PLB1: variants seen among roughly 807,000 people sequenced by gnomAD.
The protein encoded by PLB1 is phospholipase B1, membrane-associated.
A neutral mutation model predicts 227.4 loss-of-function variants in PLB1; 242 were observed. That is an observed-to-expected ratio of 1.06 (90% CI 0.96 to 1.18). The LOEUF (loss-of-function observed/expected upper bound fraction) is 1.18, where lower values mean the gene tolerates loss of function less well. Among genes scored for constraint, PLB1 ranks in the 50% most tolerant of loss-of-function variants. The pLI, the probability that PLB1 is intolerant of heterozygous loss-of-function variation, is 0.00. For synonymous variants in PLB1, 757 were observed against 682.2 expected (o/e 1.11, Z -1.71); for missense variants, 1,858 against 1,816.3 (o/e 1.02, Z -0.42).
intron 49 of PLB1, among the ~76,000 whole-genome samples, chr2:28,622,813 G>A (rs1687217561): frequency 6.6e-6 from 1 of 152,200 alleles, no homozygotes; most frequent in African/African-American, 2.4e-5. Flanking sequence ...TTGAACCCAG[G>A]AAGTGGAGGC....
At chr2:28,534,141 A>G (rs530278924) in intron 9 of PLB1, among the ~76,000 whole-genome samples, 2 of 152,336 alleles carry the variant, frequency 1.3e-5, no homozygotes, top group African/African-American at 4.8e-5. Context: ...AGATCTAGTC[A>G]TGTTGACATA....
chr2:28,516,371 C>T (rs976312004), intron 1 of PLB1, among the ~76,000 whole-genome samples: 1 of 152,162 alleles, frequency 6.6e-6, no homozygotes, highest in African/African-American at 2.4e-5. Flanking sequence ...GTGATTAGCT[C>T]TTCTCCTAAG....
At chr2:28,586,699 G>T (rs1306705766) in intron 26 of PLB1, among the ~76,000 whole-genome samples, 1 of 152,072 alleles carries the variant, frequency 6.6e-6, no homozygotes, top group Non-Finnish European at 1.5e-5. Context: ...CCTAGCACTC[G>T]GGATGACTCC....
At chr2:28,532,291 T>TG in intron 9 of PLB1, 97 bp downstream of exon 9, 3 of 908,984 alleles carry the variant, frequency 3.3e-6, no homozygotes, top group Admixed American at 2.4e-5. Flanking sequence ...GCTGTCAGGA[T>TG]GGGGCTAATG....
chr2:28,595,264 A>G (rs1172746458), intron 33 of PLB1: 2 of 152,214 alleles, frequency 1.3e-5, no homozygotes, highest in Non-Finnish European at 2.9e-5. Flanking sequence ...CCTCAGGTTC[A>G]ATGGCTGCTG....
chr2:28,625,195 C>A, intron 50 of PLB1, 87 bp downstream of exon 50: 1 of 1,252,702 alleles, frequency 8.0e-7, no homozygotes, highest in Non-Finnish European at 1.1e-6. Flanking sequence ...TCCCTCTCAC[C>A]ACAGCACTTC....
intron 11 of PLB1, among the ~76,000 whole-genome samples, chr2:28,539,439 G>A (rs898103181): frequency 2.6e-5 from 4 of 152,288 alleles, no homozygotes; most frequent in Admixed American, 6.5e-5. Flanking sequence ...TGTGCCAGAG[G>A]CTCTCCTCAG....
intron 23 of PLB1, among the ~76,000 whole-genome samples, chr2:28,580,776 G>C (rs775092868): frequency 1.3e-5 from 2 of 151,918 alleles, no homozygotes; most frequent in Non-Finnish European, 2.9e-5. Flanking sequence ...TTGTTGGAGA[G>C]ATTTACACAG....
intron 25 of PLB1, among the ~76,000 whole-genome samples, chr2:28,585,101 C>T (rs1680686370): frequency 2.6e-5 from 4 of 152,098 alleles, no homozygotes; most frequent in Admixed American, 2.6e-4. Context: ...TGCTAAGATA[C>T]ACTCAAATCA....
chr2:28,524,105 G>C (rs539900028), intron 4 of PLB1, among the ~76,000 whole-genome samples: 1 of 152,330 alleles, frequency 6.6e-6, no homozygotes, highest in East Asian at 1.9e-4. Context: ...TAGGTCTATA[G>C]GCAGGTGCTC....
rs1420810867 is a variant in PLB1 at position 28,529,380 on chromosome 2, A to C, written c.389A>C (p.Lys130Thr). The C allele has an allele frequency of 6.2e-7, 1 of 1,608,910 alleles. No individual in the cohort carries two copies. The highest frequency in any genetic ancestry group is 1.3e-5 in the African/African-American group (1 of 74,890). Residue 130 changes from lysine to threonine, a missense_variant, in exon 7 of 58, where the codon AAG (lysine) becomes ACG (threonine). Transcript: ENST00000327757. ...CCAATGCCTGTGTGCCACACTGGAA[A>C]GAGAGTCATACCCCACGATGGTGCT... ...SVPMPVCHTG[K>T]RVIPHDGAED...
At chr2:28,544,451 C>T (rs1319647152) in intron 14 of PLB1, among the ~76,000 whole-genome samples, 1 of 152,208 alleles carries the variant, frequency 6.6e-6, no homozygotes, top group African/African-American at 2.4e-5. Flanking sequence ...CAAAAGGACA[C>T]CTGTGACATG....
chr2:28,603,950 C>T lies in PLB1; in HGVS notation c.2775-16C>T, dbSNP rs765212972. ...GCCTGAGCTCTGGGGCCTCCTGCCT[C>T]CCCCTCTTTGTGCAGCGTTTTGTGT... is the stretch of plus-strand genomic sequence containing the variant. On this transcript the variant is annotated splice_polypyrimidine_tract_variant and intron_variant, in intron 39 of 57. Coordinates refer to ENST00000327757, the MANE Select transcript of PLB1 (RefSeq NM_153021.5). 28 of 1,612,754 alleles carry T rather than the reference C, an allele frequency of 1.7e-5. No individual in the cohort carries two copies. The highest frequency in any genetic ancestry group is 2.4e-5 in the Non-Finnish European group (28 of 1,178,746).
At chr2:28,512,628 GTCTC>G (rs1278151157) in intron 1 of PLB1, among the ~76,000 whole-genome samples, 1 of 150,888 alleles carries the variant, frequency 6.6e-6, no homozygotes, top group South Asian at 2.1e-4. Context: ...TGTGAAATCT[GTCTC>G]TCTAATTGTG....
At chr2:28,555,825 C>G (rs1419549385) in intron 17 of PLB1, among the ~76,000 whole-genome samples, 1 of 149,106 alleles carries the variant, frequency 6.7e-6, no homozygotes, top group Admixed American at 6.7e-5. Context: ...ATATCTTTTA[C>G]AATAACTGTT....
At chr2:28,542,169 G>T (rs1672598999) in intron 13 of PLB1, among the ~76,000 whole-genome samples, 1 of 151,284 alleles carries the variant, frequency 6.6e-6, no homozygotes, top group Non-Finnish European at 1.5e-5. Flanking sequence ...GTGTGGTGGG[G>T]AGGAGGCCTG....
rs747494824 is a variant in PLB1 at position 28,565,369 on chromosome 2, G to T, written c.1280+16G>T. The T allele has an allele frequency of 1.9e-6, 3 of 1,597,158 alleles. No homozygotes were observed. The highest frequency in any genetic ancestry group is 2.6e-6 in the Non-Finnish European group (3 of 1,171,352). ...TGTCCTGGAGGTGAGTGAGGGTGTG[G>T]CAAGGCCCCAAAGGCCCCTTCATTG... On this transcript the variant is annotated intron_variant, in intron 19 of 57. Coordinates refer to ENST00000327757, the MANE Select transcript of PLB1 (RefSeq NM_153021.5).
At chr2:28,582,028 G>C in intron 23 of PLB1, 40 bp from the exon 24 acceptor site, 1 of 1,566,520 alleles carries the variant, frequency 6.4e-7, no homozygotes, top group South Asian at 1.1e-5. Flanking sequence ...GAGAGATTAG[G>C]TGACAAATGG....
rs376820495 is a variant in PLB1 at position 28,539,056 on chromosome 2, C to T, written c.619-43C>T. ...GTTCCAGAAAGCCCGGCAGCCATGG[C>T]GACTTGGCAAATACTCACCTCCCTC... On this transcript the variant is annotated intron_variant, in intron 10 of 57. Coordinates refer to ENST00000327757, the MANE Select transcript of PLB1 (RefSeq NM_153021.5). 5.9e-6 allele frequency: 9 copies of T among 1,533,774 alleles called. No individual in the cohort carries two copies. The Admixed American group carries it at 6.7e-5, about 11-fold the overall frequency.
Sources: gnomAD v4.1 joint callset for allele counts (sites outside exome capture counted in the v4.1 genomes callset) on GRCh38, gnomAD v4.1.1 for gene constraint, MANE v1.5 for transcripts, NCBI Gene and HGNC (gene_info 2026-07-23, HGNC 2026-07-21) for gene names.